The following APBA1 variants were observed in gnomAD, a reference collection of about 807,000 sequenced individuals.
APBA1 encodes amyloid-beta A4 precursor protein-binding family A member 1.
Under a neutral mutation model 86.6 loss-of-function variants are expected in APBA1, and 55 were observed. That is an observed-to-expected ratio of 0.64 (90% confidence interval 0.51 to 0.80). The LOEUF is 0.80. Among genes scored for constraint, APBA1 ranks in the 30% least tolerant of loss-of-function variants. APBA1 has a pLI of 0.00. For synonymous variants in APBA1, 511 were observed against 493.9 expected, an observed-to-expected ratio of 1.03 and a Z score of -0.46; for missense variants, 1,090 against 1,183.0, an observed-to-expected ratio of 0.92 and a Z score of 1.15.
At chr9:69,514,810 T>C (rs904568374) in intron 2 of APBA1, among the ~76,000 whole-genome samples, 5 of 149,536 alleles carry the variant, frequency 3.3e-5, no homozygotes, top group Admixed American at 2.7e-4. Flanking sequence ...CTTGGGAGAC[T>C]GAGGTAGAAT....
chr9:69,465,008 C>T (rs953070025), intron 5 of APBA1: 3 of 152,256 alleles, frequency 2.0e-5, no homozygotes, highest in Non-Finnish European at 2.9e-5. Context: ...CAGAAGTCTT[C>T]AGTACTCCTT....
chr9:69,569,213 C>T (rs1000675094), intron 1 of APBA1, among the ~76,000 whole-genome samples: 1 of 152,148 alleles, frequency 6.6e-6, no homozygotes, highest in Non-Finnish European at 1.5e-5. Context: ...GTTTTTCACA[C>T]ACCAACACAC....
intron 1 of APBA1, among the ~76,000 whole-genome samples, chr9:69,574,890 T>C (rs1821752130): frequency 6.6e-6 from 1 of 152,190 alleles, no homozygotes; most frequent in African/African-American, 2.4e-5. Context: ...TATTCATTAC[T>C]CTGAGTGTCC....
At chr9:69,444,975 G>T (rs1016604734) in intron 10 of APBA1, among the ~76,000 whole-genome samples, 1 of 152,230 alleles carries the variant, frequency 6.6e-6, no homozygotes, top group Non-Finnish European at 1.5e-5. Context: ...TTGTGGGAAA[G>T]AAGAGAGATG....
At chr9:69,625,122 C>T (rs1822903066) in intron 1 of APBA1, among the ~76,000 whole-genome samples, 1 of 152,166 alleles carries the variant, frequency 6.6e-6, no homozygotes, top group Non-Finnish European at 1.5e-5. Context: ...TTATTTGGGA[C>T]CACTTTCCCC....
intron 1 of APBA1, among the ~76,000 whole-genome samples, chr9:69,591,230 T>C (rs1193461798): frequency 6.6e-6 from 1 of 152,218 alleles, no homozygotes; most frequent in East Asian, 1.9e-4. Flanking sequence ...GGTGCCTCTT[T>C]TCCCCTTCTC....
intron 2 of APBA1, among the ~76,000 whole-genome samples, chr9:69,504,177 T>C (rs547724048): frequency 3.3e-5 from 5 of 152,078 alleles, no homozygotes; most frequent in African/African-American, 1.2e-4. Flanking sequence ...CTCCCTCCTG[T>C]TCTGAAACTT....
At chr9:69,460,947 T>G (rs1217995535) in intron 5 of APBA1, 5 of 152,214 alleles carry the variant, frequency 3.3e-5, no homozygotes, top group Non-Finnish European at 4.4e-5. Flanking sequence ...ACCAGGCTGA[T>G]TTCAAACTCC....
chr9:69,591,351 GT>G (rs1177402174), intron 1 of APBA1, among the ~76,000 whole-genome samples: 1 of 152,130 alleles, frequency 6.6e-6, no homozygotes, highest in Non-Finnish European at 1.5e-5. Context: ...AATACAGATG[GT>G]TGACAAATAT....
Position 69,637,811 on chromosome 9 carries a change from G to A in APBA1, c.-70+34342C>T, listed in dbSNP as rs577322076. Among the ~76,000 whole-genome samples, 7 of 152,302 alleles carry A rather than the reference G, an allele frequency of 4.6e-5. No homozygotes were observed. In the East Asian group the frequency reaches 1.3e-3, roughly 29 times the overall value. On this transcript the variant is annotated intron_variant, in intron 1 of 12. Transcript: ENST00000265381. ...ACAATTATGAAAAATAAATGTTGAA[G>A]TTACATTTTAATAGGAAAGCTGGAT... is the stretch of plus-strand genomic sequence containing the variant.
chr9:69,502,075 TGA>T (rs1835887802), intron 2 of APBA1, among the ~76,000 whole-genome samples: 1 of 152,070 alleles, frequency 6.6e-6, no homozygotes, highest in Non-Finnish European at 1.5e-5. Flanking sequence ...ATCAAAAAGT[TGA>T]GAAAGATTCC....
chr9:69,523,008 G>T (rs997745264), intron 1 of APBA1, among the ~76,000 whole-genome samples: 1 of 152,180 alleles, frequency 6.6e-6, no homozygotes, highest in Admixed American at 6.5e-5. Flanking sequence ...GTTACCAGTG[G>T]TGAAGCACAG....
intron 1 of APBA1, among the ~76,000 whole-genome samples, chr9:69,640,328 T>A (rs578251608): frequency 6.6e-6 from 1 of 152,048 alleles, no homozygotes; most frequent in East Asian, 1.9e-4. Flanking sequence ...TCCCGGGAAA[T>A]AAAGCAAATC....
At chr9:69,528,703 G>A (rs1836380033) in intron 1 of APBA1, among the ~76,000 whole-genome samples, 1 of 151,774 alleles carries the variant, frequency 6.6e-6, no homozygotes, top group Admixed American at 6.6e-5. Context: ...GTGGGGGCGA[G>A]GGTATTAAAT....
At chr9:69,660,236 T>G (rs79146521) in intron 1 of APBA1, among the ~76,000 whole-genome samples, 2 of 152,228 alleles carry the variant, frequency 1.3e-5, no homozygotes, top group African/African-American at 4.8e-5. Flanking sequence ...TAGAGAGATG[T>G]GCATGATTCC....
At chr9:69,648,725 A>G (rs1823437667) in intron 1 of APBA1, among the ~76,000 whole-genome samples, 1 of 152,050 alleles carries the variant, frequency 6.6e-6, no homozygotes, top group Admixed American at 6.5e-5. Context: ...TCTATCCCTC[A>G]TCCATGCCAC....
intron 2 of APBA1, among the ~76,000 whole-genome samples, chr9:69,486,372 C>T (rs1200293521): frequency 2.6e-5 from 4 of 152,088 alleles, no homozygotes; most frequent in Admixed American, 6.5e-5. Context: ...AGAAGCACCA[C>T]CACAAGTCAT....
In APBA1 at chr9:69,516,532, G is replaced by C; in HGVS notation, c.679C>G (p.Arg227Gly). Residue 227 changes from arginine to glycine, a missense_variant, in exon 2 of 13, where the codon CGC becomes GGC. Physicochemically the swap from Arg to Gly is moderately radical, Grantham distance 125 (BLOSUM62 -2). Around this residue, in one of 6 missense-constraint regions of APBA1, gnomAD observed 678 missense variants for 647.1 expected, o/e 1.05. Transcript: ENST00000265381. This position sits in a 1 kb window ranked among gnomAD's most constrained non-coding sequence, Gnocchi z 7.3. ...EQERDEAAAY[R>G]QEALGARLHH... is the part of the protein sequence containing the mutation. Reference sequence around the variant, plus strand: ...AGCCGCGCGCCCAGGGCCTCCTGGCGGTACGCGGCCGCCTCGTCGCGCTCC... The same window carrying C: ...AGCCGCGCGCCCAGGGCCTCCTGGCCGTACGCGGCCGCCTCGTCGCGCTCC... The C allele has an allele frequency of 3.1e-6, 5 of 1,594,726 alleles. No individual in the cohort carries two copies. Among genetic ancestry groups the C allele is most frequent in the Non-Finnish European group, 4.3e-6 (5 of 1,176,370 alleles).
At chr9:69,610,030 C>A (rs1425042921) in intron 1 of APBA1, among the ~76,000 whole-genome samples, 3 of 152,086 alleles carry the variant, frequency 2.0e-5, no homozygotes, top group African/African-American at 4.8e-5. Context: ...AAATAAAGAA[C>A]CTTGGGGCCA....
Sources: gnomAD v4.1 joint callset for allele counts (sites outside exome capture counted in the v4.1 genomes callset) on GRCh38, gnomAD v4.1.1 for gene constraint, gnomAD v4.1.1 regional missense constraint, Gnocchi (gnomAD v3.1) non-coding constraint, MANE v1.5 for transcripts, NCBI Gene and HGNC (gene_info 2026-07-23, HGNC 2026-07-21) for gene names.